Variants in DOCK8 observed in about 807,000 individuals in gnomAD.
DOCK8 encodes the protein dedicator of cytokinesis protein 8.
DOCK8 carries 141 observed loss-of-function variants against 245.6 expected under a neutral mutation model. That is an observed-to-expected ratio of 0.57 (90% CI 0.50 to 0.66). The LOEUF (loss-of-function observed/expected upper bound fraction) is 0.66, where lower values mean the gene tolerates loss of function less well. Ranked by LOEUF, DOCK8 falls within the 30% of genes least tolerant of loss-of-function variation. DOCK8 has a pLI of 0.00. For missense variants in DOCK8, 2,965 were observed against 2,603.4 expected (o/e 1.14, Z -3.02); for synonymous variants, 1,168 against 970.2 (o/e 1.20, Z -3.79).
At chr9:354,322 G>C (rs867979628) in intron 14 of DOCK8, among the ~76,000 whole-genome samples, 1 of 152,168 alleles carries the variant, frequency 6.6e-6, no homozygotes, top group Non-Finnish European at 1.5e-5. Context: ...GAATATTTTT[G>C]TGTGGGGAGT....
intron 14 of DOCK8, among the ~76,000 whole-genome samples, chr9:352,699 G>C (rs999095889): frequency 6.8e-6 from 1 of 147,350 alleles, no homozygotes; most frequent in African/African-American, 2.6e-5. Flanking sequence ...CCAAGATCGC[G>C]CCACTGCACT....
In DOCK8 at chr9:357,585, C is replaced by T. The variant is rs566747230; in HGVS notation, c.1680-10433C>T. Among the ~76,000 whole-genome samples, 34 of 145,784 alleles carry T rather than the reference C, an allele frequency of 2.3e-4. 1 individual carries two copies. Among genetic ancestry groups the T allele is most frequent in the African/African-American group, 8.7e-4 (31 of 35,628 alleles). ...TGTAGAGTTTTTAAACAATTTGATA[C>T]CATTTTTTTTTTCTGGCGTCTTAAC... On this transcript the variant is annotated intron_variant, in intron 14 of 47. Coordinates refer to ENST00000432829, the MANE Select transcript of DOCK8 (RefSeq NM_203447.4).
intron 1 of DOCK8, among the ~76,000 whole-genome samples, chr9:232,873 G>A (rs1388117521): frequency 1.3e-5 from 2 of 152,124 alleles, no homozygotes; most frequent in Non-Finnish European, 2.9e-5. Context: ...ATTTTTTGAA[G>A]GGTTTTTTGT....
chr9:304,844 T>G, intron 5 of DOCK8, 140 bp downstream of exon 5: 1 of 1,226,054 alleles, frequency 8.2e-7, no homozygotes, highest in Non-Finnish European at 1.2e-6. Context: ...AGTCAGTGAT[T>G]TTTTTTTTCA....
chr9:266,364 GGAATGAAT>G lies in DOCK8; in HGVS notation c.54-5239_54-5232del, dbSNP rs3046373. Among the ~76,000 whole-genome samples, 578 of 151,260 alleles carry G rather than the reference GGAATGAAT, an allele frequency of 3.8e-3. 1 individual carries two copies. The highest frequency in any genetic ancestry group is 4.9e-3 in the Non-Finnish European group (335 of 67,794). The stretch of plus-strand genomic sequence containing the variant: ...CCAGCAATTTGTGTGTTCTCAGTGT[GGAATGAAT>G]GAATGAATGAATGAATGAATGAACC... On this transcript the variant is annotated intron_variant, in intron 1 of 47. Coordinates refer to ENST00000432829, the MANE Select transcript of DOCK8 (RefSeq NM_203447.4).
intron 24 of DOCK8, among the ~76,000 whole-genome samples, chr9:394,421 A>G (rs1342740362): frequency 6.6e-6 from 1 of 152,244 alleles, no homozygotes; most frequent in Non-Finnish European, 1.5e-5. Context: ...TTGAAAACCA[A>G]AACAGTTTTG....
At chr9:453,658 C>T (rs2057534879) in intron 46 of DOCK8, among the ~76,000 whole-genome samples, 1 of 152,114 alleles carries the variant, frequency 6.6e-6, no homozygotes, top group South Asian at 2.1e-4. Context: ...AACTCCTGAC[C>T]TCAAATGATC....
chr9:426,026 A>G (rs2056486527), intron 33 of DOCK8, among the ~76,000 whole-genome samples: 1 of 152,072 alleles, frequency 6.6e-6, no homozygotes, highest in Admixed American at 6.5e-5. Flanking sequence ...TGATACCCCA[A>G]CCCCATGGTA....
chr9:289,385 A>G, intron 3 of DOCK8, 125 bp from the exon 4 acceptor site: 2 of 769,912 alleles, frequency 2.6e-6, no homozygotes, highest in South Asian at 1.5e-5. Flanking sequence ...TGATTGGGCA[A>G]GAACATCCTA....
At chr9:275,713 C>G (rs1178628619) in intron 2 of DOCK8, among the ~76,000 whole-genome samples, 1 of 150,410 alleles carries the variant, frequency 6.6e-6, no homozygotes, top group Non-Finnish European at 1.5e-5. Flanking sequence ...CTCAGCCTCC[C>G]CAGTAGCTAG....
intron 13 of DOCK8, 56 bp from the exon 14 acceptor site, chr9:340,103 A>T (rs1345415023): frequency 5.1e-6 from 8 of 1,570,268 alleles, no homozygotes; most frequent in Non-Finnish European, 7.0e-6. Context: ...ATCTTTCTTG[A>T]TTCCCTCATA....
intron 24 of DOCK8, among the ~76,000 whole-genome samples, chr9:392,588 AC>A (rs1377104374): frequency 6.6e-6 from 1 of 152,198 alleles, no homozygotes; most frequent in Non-Finnish European, 1.5e-5. Flanking sequence ...CCACTGGTCT[AC>A]ACCACCTCTG....
At chr9:365,770 A>C (rs1474059694) in intron 14 of DOCK8, 1 of 409,468 alleles carries the variant, frequency 2.4e-6, no homozygotes, top group East Asian at 7.0e-5. Context: ...ATCCCGCTTA[A>C]CAGACATTAG....
chr9:375,056 A>G (rs2053462647), intron 18 of DOCK8, among the ~76,000 whole-genome samples: 2 of 152,202 alleles, frequency 1.3e-5, no homozygotes, highest in Non-Finnish European at 2.9e-5. Flanking sequence ...ATGAAGTTAG[A>G]AAAGCAGTCT....
chr9:413,927 A>G (rs1199852586), intron 28 of DOCK8, among the ~76,000 whole-genome samples: 3 of 152,230 alleles, frequency 2.0e-5, no homozygotes, highest in Admixed American at 2.0e-4. Flanking sequence ...AGATCATTTG[A>G]GGCCAGGAGT....
chr9:392,034 A>C (rs918518351), intron 24 of DOCK8, among the ~76,000 whole-genome samples: 1 of 151,532 alleles, frequency 6.6e-6, no homozygotes, highest in Non-Finnish European at 1.5e-5. Flanking sequence ...TCTACTCAGG[A>C]GGCTGAGGCA....
chr9:245,976 T>C (rs528889663), intron 1 of DOCK8, among the ~76,000 whole-genome samples: 1 of 152,064 alleles, frequency 6.6e-6, no homozygotes, highest in Admixed American at 6.5e-5. Flanking sequence ...CCCCAGCACT[T>C]TGGGAGGCCA....
chr9:348,082 T>C (rs985791060), intron 14 of DOCK8, among the ~76,000 whole-genome samples: 1 of 152,186 alleles, frequency 6.6e-6, no homozygotes, highest in African/African-American at 2.4e-5. Context: ...AGGATTTTAT[T>C]CTAGCCTGTC....
chr9:440,102 T>C (rs1010703765), intron 40 of DOCK8, among the ~76,000 whole-genome samples: 2 of 152,184 alleles, frequency 1.3e-5, no homozygotes, highest in Non-Finnish European at 2.9e-5. Flanking sequence ...CACTGCAGCC[T>C]CTACCTCCAG....
Sources: allele counts gnomAD v4.1 joint callset (sites outside exome capture counted in the v4.1 genomes callset), GRCh38; gene constraint gnomAD v4.1.1; transcripts MANE v1.5; gene names NCBI Gene and HGNC (gene_info 2026-07-23, HGNC 2026-07-21).